PTBP2: variants seen among roughly 807,000 people sequenced by gnomAD.
The protein encoded by PTBP2 is polypyrimidine tract-binding protein 2.
In PTBP2, 13 loss-of-function variants were observed where a neutral mutation model predicts 61.4. The ratio of observed to expected loss-of-function variants is 0.21; its 90% CI spans 0.14 to 0.34. PTBP2 has a LOEUF of 0.34. PTBP2 is among the 10% of genes least tolerant of loss of function. The pLI, the probability that PTBP2 is intolerant of heterozygous loss-of-function variation, is 1.00. For missense variants in PTBP2, 405 were observed against 642.6 expected (o/e 0.63, Z 4.00); for synonymous variants, 215 against 218.5 (o/e 0.98, Z 0.14).
chr1:96,792,304 A>G (rs944635598), intron 8 of PTBP2, among the ~76,000 whole-genome samples: 2 of 152,162 alleles, frequency 1.3e-5, no homozygotes, highest in African/African-American at 4.8e-5. Flanking sequence ...TTTACAAGTA[A>G]GTTAATACAT....
chr1:96,793,537 T>A (rs915607229), intron 8 of PTBP2, among the ~76,000 whole-genome samples: 16 of 151,702 alleles, frequency 1.1e-4, no homozygotes, highest in Non-Finnish European at 1.8e-4. Flanking sequence ...ACCTGGCTAA[T>A]TTTTTTTGTA....
At chr1:96,769,914 A>G (rs762761950) in intron 4 of PTBP2, 39 bp downstream of exon 4, 2 of 1,473,756 alleles carry the variant, frequency 1.4e-6, no homozygotes, top group Non-Finnish European at 1.8e-6. Flanking sequence ...TTAAACCCCA[A>G]ACTATCCAGC....
intron 3 of PTBP2, among the ~76,000 whole-genome samples, chr1:96,762,885 C>T (rs1263647658): frequency 1.3e-5 from 2 of 151,666 alleles, no homozygotes; most frequent in African/African-American, 2.4e-5. Context: ...CCGAGACGCT[C>T]CTCACCTCCC....
rs1557784412 is a variant in PTBP2 at position 96,813,322 on chromosome 1, A to G, written c.1513A>G (p.Ile505Val). 1.2e-6 allele frequency: 2 copies of G among 1,607,202 alleles called. No individual in the cohort carries two copies. Among genetic ancestry groups the G allele is most frequent in the Non-Finnish European group, 1.7e-6 (2 of 1,176,172 alleles). ...TCAGATGGCAACAGTGGAAGAAGCT[A>G]TTCAGGCCTTGATTGATCTTCATAA... ...LLQMATVEEAIQALIDLHNYN... is the reference protein window; with the variant it reads ...LLQMATVEEAVQALIDLHNYN... The change falls in exon 14 of 14, where the codon ATT (isoleucine) becomes GTT (valine). Residue 505 changes from isoleucine (I) to valine (V), a missense_variant. Coordinates refer to ENST00000674951, the MANE Select transcript of PTBP2 (RefSeq NM_021190.4).
downstream of PTBP2, chr1:96,815,803 T>C (rs1662458503): frequency 6.6e-6 from 1 of 152,160 alleles, no homozygotes; most frequent in Non-Finnish European, 1.5e-5. Flanking sequence ...GTCAACAGTC[T>C]GGGATGATTT....
At chr1:96,818,339 A>G (rs1313583888), downstream of PTBP2, 1 of 152,090 alleles carries the variant, frequency 6.6e-6, no homozygotes, top group Non-Finnish European at 1.5e-5. Flanking sequence ...TCAGTTAGCA[A>G]CTTAGATCTT....
intron 3 of PTBP2, among the ~76,000 whole-genome samples, chr1:96,762,214 C>T (rs1191131286): frequency 6.6e-6 from 1 of 150,982 alleles, no homozygotes; most frequent in Non-Finnish European, 1.5e-5. Context: ...CCGCCATTGT[C>T]ATCATGGCCC....
intron 5 of PTBP2, among the ~76,000 whole-genome samples, chr1:96,771,982 G>A (rs1028055695): frequency 3.3e-5 from 5 of 152,146 alleles, no homozygotes; most frequent in Non-Finnish European, 5.9e-5. Flanking sequence ...GGCCTCAAAT[G>A]TGGGGGAATT....
Position 96,721,891 on chromosome 1 carries a change from G to T in PTBP2, c.8+19G>T. The T allele has an allele frequency of 6.4e-7, 1 of 1,573,634 alleles. No individual in the cohort carries two copies. Among genetic ancestry groups the T allele is most frequent in the East Asian group, 2.3e-5 (1 of 43,094 alleles). On this transcript the variant is annotated intron_variant, in intron 1 of 13. Coordinates refer to ENST00000674951, the MANE Select transcript of PTBP2 (RefSeq NM_021190.4). ...TGGACGGGTATGTAATCGGGCCGGC[G>T]AGAAGGTGTGTGTGAGAGAGGAGTT...
intron 2 of PTBP2, among the ~76,000 whole-genome samples, chr1:96,743,433 A>G (rs924575891): frequency 3.3e-5 from 5 of 152,202 alleles, no homozygotes; most frequent in East Asian, 1.9e-4. Flanking sequence ...GATGTACTCT[A>G]TGTAATTCCT....
rs372936251 is a variant in PTBP2 at position 96,810,779 on chromosome 1, C to T, written c.1172-1933C>T. Among the ~76,000 whole-genome samples, 9 of 152,248 alleles carry T rather than the reference C, an allele frequency of 5.9e-5. No homozygotes were observed. In the East Asian group the frequency reaches 1.3e-3, roughly 23 times the overall value. On this transcript the variant is annotated intron_variant, in intron 11 of 13. Coordinates refer to ENST00000674951, the MANE Select transcript of PTBP2 (RefSeq NM_021190.4). ...GTTTATCTAAACAAAAGTTTGTTCA[C>T]TTAAAATAGTTATAGAACTTTAAAA...
chr1:96,764,864 G>A (rs1490030853), intron 3 of PTBP2, among the ~76,000 whole-genome samples: 1 of 152,150 alleles, frequency 6.6e-6, no homozygotes, highest in Non-Finnish European at 1.5e-5. Context: ...GGTGCCTTCT[G>A]TGTTTTTCCA....
chr1:96,812,560 G>T, intron 11 of PTBP2, 152 bp from the exon 12 acceptor site: 1 of 653,020 alleles, frequency 1.5e-6, no homozygotes, highest in Non-Finnish European at 2.5e-6. Flanking sequence ...AAATGAAAAT[G>T]TACTTAAGTC....
At chr1:96,821,076 T>G (rs1172277722) in exon 14 of PTBP2, 2 of 152,230 alleles carry the variant, frequency 1.3e-5, no homozygotes, top group African/African-American at 4.8e-5. Flanking sequence ...TTTTCTCATC[T>G]GTACAATGGA....
In PTBP2 at chr1:96,723,543, CTACT is replaced by C; in HGVS notation, c.9-18_9-15del. On this transcript the variant is annotated splice_polypyrimidine_tract_variant and intron_variant, in intron 1 of 13. Transcript: ENST00000674951. ...TTAGAAGAATAACAGGAGGTTGAAA[CTACT>C]TATTTTTTCTTTGCAGAATCGTCAC... 1.3e-6 allele frequency: 2 copies of C among 1,566,446 alleles called. No individual in the cohort carries two copies. The highest frequency in any genetic ancestry group is 1.7e-6 in the Non-Finnish European group (2 of 1,146,624).
intron 2 of PTBP2, among the ~76,000 whole-genome samples, chr1:96,730,634 T>C (rs1374851362): frequency 6.6e-6 from 1 of 152,242 alleles, no homozygotes; most frequent in Non-Finnish European, 1.5e-5. Context: ...AAGTATTCAC[T>C]GAATACTCTG....
intron 8 of PTBP2, among the ~76,000 whole-genome samples, chr1:96,798,957 G>A (rs1660672005): frequency 6.6e-6 from 1 of 152,138 alleles, no homozygotes; most frequent in African/African-American, 2.4e-5. Flanking sequence ...AAATGAGCAA[G>A]GTTAGGGATA....
chr1:96,746,846 T>TG (rs1653854802), intron 2 of PTBP2, among the ~76,000 whole-genome samples: 1 of 50,052 alleles, frequency 2.0e-5, no homozygotes, highest in Non-Finnish European at 3.6e-5. Context: ...TCTCCCTCCC[T>TG]CCCTCCCCCT....
chr1:96,753,042 G>A (rs1271164646), intron 3 of PTBP2, among the ~76,000 whole-genome samples: 1 of 152,144 alleles, frequency 6.6e-6, no homozygotes, highest in African/African-American at 2.4e-5. Context: ...GGAATTTATG[G>A]AGAAGTCCTG....
Sources: allele counts gnomAD v4.1 joint callset (sites outside exome capture counted in the v4.1 genomes callset), GRCh38; gene constraint gnomAD v4.1.1; transcripts MANE v1.5; gene names NCBI Gene and HGNC (gene_info 2026-07-23, HGNC 2026-07-21).